Variants in UBE2E3 observed in about 807,000 individuals in gnomAD.
UBE2E3 encodes the protein ubiquitin conjugating enzyme E2 E3.
A neutral mutation model predicts 23.6 loss-of-function variants in UBE2E3; 5 were observed. The ratio of observed to expected loss-of-function variants is 0.21; its 90% CI spans 0.11 to 0.44. The LOEUF (loss-of-function observed/expected upper bound fraction) is 0.44, where lower values mean the gene tolerates loss of function less well. Ranked by LOEUF, UBE2E3 falls within the 20% of genes least tolerant of loss-of-function variation. The pLI is 0.99. For missense variants in UBE2E3, 81 were observed against 249.8 expected (o/e 0.32, Z 4.55); for synonymous variants, 78 against 87.5 (o/e 0.89, Z 0.60).
chr2:180,997,075 A>G (rs1006425223), intron 3 of UBE2E3, among the ~76,000 whole-genome samples: 11 of 151,802 alleles, frequency 7.2e-5, no homozygotes, highest in African/African-American at 2.4e-4. Flanking sequence ...TTGTGTTCTT[A>G]AAAGGATTTC....
At chr2:181,048,182 A>G (rs1179161458) in intron 3 of UBE2E3, among the ~76,000 whole-genome samples, 3 of 152,122 alleles carry the variant, frequency 2.0e-5, no homozygotes, top group African/African-American at 4.8e-5. Flanking sequence ...CCGGCATTCA[A>G]CAAGGAATAC....
chr2:181,018,817 T>G (rs1685580702), intron 3 of UBE2E3, among the ~76,000 whole-genome samples: 1 of 152,138 alleles, frequency 6.6e-6, no homozygotes, highest in Non-Finnish European at 1.5e-5. Flanking sequence ...CTAGAAAAGC[T>G]CATGCCTTTT....
intron 3 of UBE2E3, among the ~76,000 whole-genome samples, chr2:181,029,558 C>G (rs1238212739): frequency 6.6e-6 from 1 of 150,578 alleles, no homozygotes; most frequent in East Asian, 1.9e-4. Flanking sequence ...TAAGTTTTAT[C>G]TAAAAACTTG....
intron 3 of UBE2E3, among the ~76,000 whole-genome samples, chr2:181,024,733 T>A (rs1335526724): frequency 6.6e-6 from 1 of 152,094 alleles, no homozygotes; most frequent in East Asian, 1.9e-4. Flanking sequence ...TTGAGTAATC[T>A]ATTTTTATAA....
intron 3 of UBE2E3, among the ~76,000 whole-genome samples, chr2:181,055,999 T>G (rs1686977607): frequency 6.6e-6 from 1 of 151,372 alleles, no homozygotes; most frequent in Non-Finnish European, 1.5e-5. Flanking sequence ...CTTACAACAT[T>G]CGCACTGAAA....
chr2:180,988,368 G>A (rs146521086), intron 3 of UBE2E3, among the ~76,000 whole-genome samples: 149 of 152,224 alleles, frequency 9.8e-4, no homozygotes, highest in East Asian at 8.9e-3. Flanking sequence ...CTAGGAACTT[G>A]CGTAAAAAAG....
At chr2:181,056,696 A>T (rs1686998395) in intron 3 of UBE2E3, among the ~76,000 whole-genome samples, 1 of 151,808 alleles carries the variant, frequency 6.6e-6, no homozygotes. Context: ...GACAGATCAA[A>T]CCATAGCAAT....
At chr2:180,997,321 C>G (rs1684855043) in intron 3 of UBE2E3, among the ~76,000 whole-genome samples, 1 of 151,500 alleles carries the variant, frequency 6.6e-6, no homozygotes, top group South Asian at 2.1e-4. Context: ...TTTCCTCTTT[C>G]ATTTTATTTT....
At chr2:180,996,900 T>C (rs1196214247) in intron 3 of UBE2E3, among the ~76,000 whole-genome samples, 2 of 152,218 alleles carry the variant, frequency 1.3e-5, no homozygotes, top group Non-Finnish European at 2.9e-5. Context: ...AGCCCTTTAG[T>C]TTTTACACCT....
At chr2:181,030,516 A>T (rs1686042630) in intron 3 of UBE2E3, among the ~76,000 whole-genome samples, 1 of 152,082 alleles carries the variant, frequency 6.6e-6, no homozygotes, top group Non-Finnish European at 1.5e-5. Context: ...TGTGTTCATG[A>T]TTTGAGATTG....
At chr2:180,995,922 T>C (rs1386685448) in intron 3 of UBE2E3, among the ~76,000 whole-genome samples, 2 of 152,152 alleles carry the variant, frequency 1.3e-5, no homozygotes, top group Non-Finnish European at 2.9e-5. Flanking sequence ...TTTGGTTACC[T>C]GGTCATACAT....
chr2:181,060,835 GTACAATAAGAC>G, intron 5 of UBE2E3, 23 bp downstream of exon 5: 1 of 833,574 alleles, frequency 1.2e-6, no homozygotes. Flanking sequence ...TTATTAACAT[GTACAATAAGAC>G]TACAAAAACG....
rs184383804 is a variant in UBE2E3 at position 180,990,805 on chromosome 2, G to A, written c.245+6712G>A. 7.9e-5 allele frequency among the ~76,000 whole-genome samples: 12 copies of A among 152,244 alleles called. No individual in the cohort carries two copies. In the East Asian group the frequency reaches 2.3e-3, roughly 29 times the overall value. ...TCAGTTTGACATTGAATTACACACA[G>A]GTTAGAAATGTGTGCTCTTCATTTG... On this transcript the variant is annotated intron_variant, in intron 3 of 5. Coordinates refer to ENST00000410062, the MANE Select transcript of UBE2E3 (RefSeq NM_006357.4).
intron 3 of UBE2E3, among the ~76,000 whole-genome samples, chr2:181,018,462 G>A (rs1044177960): frequency 5.9e-5 from 9 of 152,104 alleles, no homozygotes; most frequent in Middle Eastern, 3.4e-3. Context: ...TTATCTGGGT[G>A]CAGATACCTA....
chr2:181,029,659 CTTTTTTT>C (rs61149975), intron 3 of UBE2E3, among the ~76,000 whole-genome samples: 1 of 116,852 alleles, frequency 8.6e-6, no homozygotes, highest in Non-Finnish European at 1.7e-5. Flanking sequence ...TGTAGACAAT[CTTTTTTT>C]TTTTTTTTTT....
chr2:181,013,645 A>G (rs74636853), intron 3 of UBE2E3, among the ~76,000 whole-genome samples: 3 of 152,268 alleles, frequency 2.0e-5, no homozygotes, highest in Admixed American at 6.5e-5. Flanking sequence ...GGGTTTCAAG[A>G]GCGAATATTC....
In UBE2E3 at chr2:180,984,150, G is replaced by A. The variant is rs968917039; in HGVS notation, c.245+57G>A. The A allele has an allele frequency of 3.0e-5, 45 of 1,479,448 alleles. 1 individual carries two copies. The highest frequency in any genetic ancestry group is 4.1e-5 in the Non-Finnish European group (44 of 1,064,710). 91.6% of individuals were successfully genotyped at this position (1,479,448 alleles called of 1,614,324 possible). On this transcript the variant is annotated intron_variant, in intron 3 of 5. Coordinates refer to ENST00000410062, the MANE Select transcript of UBE2E3 (RefSeq NM_006357.4). Reference sequence around the variant, plus strand: ...AATTGTGGAAAAATACCAAGAGATTGATGTATTGTCTGGATATGTGTGCAG... The same window carrying A: ...AATTGTGGAAAAATACCAAGAGATTAATGTATTGTCTGGATATGTGTGCAG...
At chr2:181,035,691 AT>A (rs570324814) in intron 3 of UBE2E3, among the ~76,000 whole-genome samples, 12 of 151,812 alleles carry the variant, frequency 7.9e-5, no homozygotes, top group African/African-American at 1.5e-4. Flanking sequence ...TTTTTTTGCA[AT>A]TTTTTTTAAG....
chr2:180,991,377 A>C (rs1234380203), intron 3 of UBE2E3, among the ~76,000 whole-genome samples: 1 of 152,194 alleles, frequency 6.6e-6, no homozygotes, highest in Non-Finnish European at 1.5e-5. Context: ...GAGATTAACA[A>C]CTTCCCATTG....
Sources: gnomAD v4.1 joint callset for allele counts (sites outside exome capture counted in the v4.1 genomes callset) on GRCh38, gnomAD v4.1.1 for gene constraint, MANE v1.5 for transcripts, NCBI Gene and HGNC (gene_info 2026-07-23, HGNC 2026-07-21) for gene names.